Variants in PCDHA6 observed in about 807,000 individuals in gnomAD.
PCDHA6 encodes protocadherin alpha-6.
PCDHA6 carries 55 observed loss-of-function variants against 60.3 expected under a neutral mutation model. That is an observed-to-expected ratio of 0.91 (90% CI 0.73 to 1.14). PCDHA6 has a LOEUF of 1.14. Among genes scored for constraint, PCDHA6 ranks in the 50% most tolerant of loss-of-function variants. PCDHA6 has a pLI of 0.00. For missense variants in PCDHA6, 1,327 were observed against 1,256.5 expected, an observed-to-expected ratio of 1.06 and a Z score of -0.85; for synonymous variants, 652 against 557.9, an observed-to-expected ratio of 1.17 and a Z score of -2.38.
chr5:140,987,709 T>TATG (rs1359366930), intron 3 of PCDHA6, among the ~76,000 whole-genome samples: 1 of 152,190 alleles, frequency 6.6e-6, no homozygotes, highest in Non-Finnish European at 1.5e-5. Flanking sequence ...TTTTTCCAGG[T>TATG]ATGAGTCTAT....
intron 1 of PCDHA6, chr5:140,835,801 A>T: frequency 6.2e-7 from 1 of 1,613,074 alleles, no homozygotes; most frequent in Non-Finnish European, 8.5e-7. Context: ...CCGGGCTGCC[A>T]CATCTTCACT....
At chr5:140,869,163 C>T in intron 1 of PCDHA6, 1 of 1,613,910 alleles carries the variant, frequency 6.2e-7, no homozygotes, top group Non-Finnish European at 8.5e-7. Flanking sequence ...GGCTTCTCCT[C>T]CTCGAATTCT....
At chr5:140,836,597 T>C (rs2150265046) in intron 1 of PCDHA6, 7 of 1,613,676 alleles carry the variant, frequency 4.3e-6, no homozygotes, top group Non-Finnish European at 5.1e-6. Context: ...TAAAGCCCAC[T>C]CTGGTGTGCT....
intron 1 of PCDHA6, among the ~76,000 whole-genome samples, chr5:140,972,821 G>A (rs372160406): frequency 3.3e-5 from 5 of 152,010 alleles, no homozygotes; most frequent in East Asian, 3.9e-4. Flanking sequence ...GCGCCACCAC[G>A]CCTGGCTAAT....
Position 140,877,874 on chromosome 5 carries a change from C to T in PCDHA6, c.2394+47389C>T, listed in dbSNP as rs782471585. The T allele has an allele frequency of 2.7e-6, 4 of 1,477,338 alleles. No homozygotes were observed. The African/African-American group carries it at 5.7e-5, about 21-fold the overall frequency. The allele number at this position is 1,477,338 out of a possible 1,614,324, so 91.5% of individuals were successfully genotyped here. ...TAATATTATTTAGATATATTTGTTT[C>T]CTTGAAGAACTTCCGTTTAGGTTAT... is the stretch of plus-strand genomic sequence containing the variant. On this transcript the variant is annotated intron_variant, in intron 1 of 3. Transcript: ENST00000529310.
At chr5:140,968,877 T>A in intron 1 of PCDHA6, 1 of 1,614,226 alleles carries the variant, frequency 6.2e-7, no homozygotes, top group South Asian at 1.1e-5. Flanking sequence ...TACTCTGAAA[T>A]TACCCTTTAT....
intron 1 of PCDHA6, among the ~76,000 whole-genome samples, chr5:140,886,827 G>GAAAAA (rs782016620): frequency 6.6e-5 from 4 of 60,918 alleles, no homozygotes; most frequent in African/African-American, 6.0e-5. Flanking sequence ...ACTTCGTCTT[G>GAAAAA]AAAAAAAAAA....
Position 140,828,499 on chromosome 5 carries a change from G to A in PCDHA6, c.408G>A (p.Glu136=), listed in dbSNP as rs2150156076. The A allele has an allele frequency of 4.3e-6, 7 of 1,614,142 alleles. No individual in the cohort carries two copies. Among genetic ancestry groups the A allele is most frequent in the Admixed American group, 1.7e-5 (1 of 60,010 alleles). The change falls in exon 1 of 4, where the codon GAG becomes GAA. Residue 136 remains glutamate, a synonymous_variant. Transcript: ENST00000529310. Reference sequence around the variant, plus strand: ...ACAACCCGCCCTTGTTCCCGGTAGAGGAACAAAGAGTGCTGATTTACGAAT... The same window carrying A: ...ACAACCCGCCCTTGTTCCCGGTAGAAGAACAAAGAGTGCTGATTTACGAAT... The part of the protein sequence containing the change: ...INDNPPLFPV[E]EQRVLIYESR...
intron 1 of PCDHA6, among the ~76,000 whole-genome samples, chr5:140,921,475 A>G (rs1323812887): frequency 6.6e-6 from 1 of 152,074 alleles, no homozygotes; most frequent in Non-Finnish European, 1.5e-5. Context: ...CTACCAAACC[A>G]CTCTACCTGA....
rs1770713142 is a variant in PCDHA6, at chr5:140,829,961, G to A, written c.1870G>A (p.Val624Met). ...PASSARFPFR[V>M]GLYTGEISTT... ...AAGCAGCGCTCGCTTCCCGTTTCGC[G>A]TGGGGCTGTACACGGGCGAGATCAG... Residue 624 changes from valine (V) to methionine (M), a missense_variant, in exon 1 of 4, where the codon GTG becomes ATG. Coordinates refer to ENST00000529310, the MANE Select transcript of PCDHA6 (RefSeq NM_018909.4). 5 of 1,613,876 alleles carry A rather than the reference G, an allele frequency of 3.1e-6. No individual in the cohort carries two copies. The highest frequency in any genetic ancestry group is 2.7e-5 in the African/African-American group (2 of 74,940).
intron 1 of PCDHA6, chr5:140,863,675 G>T (rs782582155): frequency 1.1e-4 from 31 of 292,406 alleles, no homozygotes; most frequent in South Asian, 4.0e-4. Context: ...TTTTGCTTTT[G>T]CTTTTTCTTT....
At chr5:140,858,464 T>C in intron 1 of PCDHA6, 6 of 1,523,496 alleles carry the variant, frequency 3.9e-6, no homozygotes, top group South Asian at 1.2e-5. Context: ...CATTTTCCTT[T>C]TGTGCTTTAT....
chr5:140,841,354 C>T (rs1777172316), intron 1 of PCDHA6: 2 of 1,612,948 alleles, frequency 1.2e-6, no homozygotes, highest in Non-Finnish European at 1.7e-6. Context: ...AGCTGGGATC[C>T]TGGCGACTAC....
chr5:141,000,345 C>A (rs1395527046), intron 3 of PCDHA6, among the ~76,000 whole-genome samples: 7 of 116,650 alleles, frequency 6.0e-5, no homozygotes, highest in African/African-American at 2.4e-4. Context: ...CCCTATCTCT[C>A]TCTCTGTCTC....
At chr5:140,964,548 G>C (rs1468417797) in intron 1 of PCDHA6, among the ~76,000 whole-genome samples, 1 of 152,102 alleles carries the variant, frequency 6.6e-6, no homozygotes, top group East Asian at 1.9e-4. Context: ...AGATGGCAGC[G>C]ACTTGGAGGG....
chr5:140,932,583 G>A (rs1007147257), intron 1 of PCDHA6, among the ~76,000 whole-genome samples: 29 of 151,810 alleles, frequency 1.9e-4, no homozygotes, highest in Admixed American at 1.8e-3. Flanking sequence ...AGGGTAATTA[G>A]ATGTTTTGTA....
chr5:140,843,686 CA>C (rs2150365068), intron 1 of PCDHA6: 11 of 1,588,582 alleles, frequency 6.9e-6, no homozygotes, highest in Non-Finnish European at 2.6e-6. Context: ...AGGCGAAGAG[CA>C]AGATTTAAAT....
chr5:140,844,580 A>G (rs1473112365), intron 1 of PCDHA6, among the ~76,000 whole-genome samples: 3 of 149,602 alleles, frequency 2.0e-5, no homozygotes, highest in African/African-American at 7.3e-5. Flanking sequence ...ATTCCACATT[A>G]AAGTGATATT....
chr5:140,844,012 A>G (rs2150368214), intron 1 of PCDHA6, among the ~76,000 whole-genome samples: 3 of 149,698 alleles, frequency 2.0e-5, no homozygotes, highest in African/African-American at 7.3e-5. Flanking sequence ...TACTCTAAGG[A>G]CGTTCAGGGC....
Sources: allele counts gnomAD v4.1 joint callset (sites outside exome capture counted in the v4.1 genomes callset), GRCh38; gene constraint gnomAD v4.1.1; transcripts MANE v1.5; gene names NCBI Gene and HGNC (gene_info 2026-07-23, HGNC 2026-07-21).